UQCC2: variants seen among roughly 807,000 people sequenced by gnomAD.
UQCC2 encodes the protein breast cancer-associated protein SGA-81M.
UQCC2 carries 21 observed loss-of-function variants against 19.9 expected under a neutral mutation model. The ratio of observed to expected loss-of-function variants is 1.05; its 90% CI spans 0.75 to 1.52. UQCC2 has a LOEUF of 1.52. Among genes scored for constraint, UQCC2 ranks in the 40% most tolerant of loss-of-function variants. The pLI is 0.00. For missense variants in UQCC2, 135 were observed against 157.5 expected, an observed-to-expected ratio of 0.86 and a Z score of 0.76; for synonymous variants, 57 against 60.9, an observed-to-expected ratio of 0.94 and a Z score of 0.30.
At chr6:33,699,312 C>T (rs1765610850) in intron 3 of UQCC2, among the ~76,000 whole-genome samples, 1 of 152,216 alleles carries the variant, frequency 6.6e-6, no homozygotes, top group Non-Finnish European at 1.5e-5. Context: ...GAACAAGCTG[C>T]AGCGCGGACC....
intron 1 of UQCC2, among the ~76,000 whole-genome samples, chr6:33,710,966 G>C (rs1326778261): frequency 6.6e-6 from 1 of 152,198 alleles, no homozygotes; most frequent in Non-Finnish European, 1.5e-5. Flanking sequence ...GCTTAGCGGG[G>C]ACCTGCAGAG....
chr6:33,711,528 A>G, intron 1 of UQCC2, 21 bp downstream of exon 1: 1 of 1,586,738 alleles, frequency 6.3e-7, no homozygotes, highest in Non-Finnish European at 8.6e-7. Flanking sequence ...CCCTCGTCCC[A>G]GCCGCCTCCC....
At chr6:33,702,292 G>C (rs1765649736) in intron 1 of UQCC2, among the ~76,000 whole-genome samples, 1 of 151,484 alleles carries the variant, frequency 6.6e-6, no homozygotes, top group Non-Finnish European at 1.5e-5. Context: ...ACAGGCATGA[G>C]CCACCATGCC....
intron 1 of UQCC2, among the ~76,000 whole-genome samples, chr6:33,704,282 T>C (rs653825): frequency 0.91 from 138,646 of 152,242 alleles, 63,259 homozygotes; most frequent in East Asian, 0.99. Context: ...TATGGGCCTA[T>C]GGGGCCAGGC....
At chr6:33,702,904 AC>A (rs1036342706) in intron 1 of UQCC2, among the ~76,000 whole-genome samples, 50 of 152,210 alleles carry the variant, frequency 3.3e-4, no homozygotes, top group African/African-American at 1.2e-3. Flanking sequence ...TTTACAGCAA[AC>A]AAAAAAGACA....
intron 1 of UQCC2, among the ~76,000 whole-genome samples, chr6:33,704,547 C>T (rs570547291): frequency 6.6e-6 from 1 of 152,260 alleles, no homozygotes; most frequent in South Asian, 2.1e-4. Flanking sequence ...CATGGTCTGC[C>T]GAGAGAGCAG....
chr6:33,700,617 G>A lies in UQCC2; in HGVS notation c.214-104C>T, dbSNP rs928802362. 1.7e-5 allele frequency: 21 copies of A among 1,243,294 alleles called. No individual in the cohort carries two copies. In the African/African-American group the frequency reaches 2.7e-4, roughly 16 times the overall value. The allele number at this position is 1,243,294 out of a possible 1,614,324, so 77.0% of individuals were successfully genotyped here. On this transcript the variant is annotated intron_variant, in intron 2 of 3. Transcript: ENST00000607484. ...TAGGCCCTGGGCAACCAGAGGCCAG[G>A]AGGCCTAGCAAGGAGAAGAGCAGCG...
At chr6:33,711,447 G>A (rs984247014) in intron 1 of UQCC2, 102 bp downstream of exon 1, 23 of 1,457,008 alleles carry the variant, frequency 1.6e-5, no homozygotes, top group Middle Eastern at 2.4e-4. Flanking sequence ...TGCCTGGAAA[G>A]AGGGCGCGCG....
rs939104037 is a variant in UQCC2 at position 33,707,260 on chromosome 6, A to G, written c.138+4289T>C. On this transcript the variant is annotated intron_variant, in intron 1 of 3. Transcript: ENST00000607484. ...CAACTCCAGGTTTTCGATGGGCTCA[A>G]TACATAATTAAAAATAGGATAATCT... 2.6e-5 allele frequency among the ~76,000 whole-genome samples: 4 copies of G among 152,236 alleles called. No individual in the cohort carries two copies. The East Asian group carries it at 7.7e-4, about 29-fold the overall frequency.
intron 1 of UQCC2, among the ~76,000 whole-genome samples, chr6:33,708,481 C>T (rs1294843494): frequency 2.6e-5 from 4 of 152,134 alleles, no homozygotes; most frequent in Non-Finnish European, 5.9e-5. Flanking sequence ...AATGAGATCA[C>T]GCCGGCAAAG....
intron 3 of UQCC2, chr6:33,698,747 C>T (rs1489701037): frequency 6.6e-6 from 1 of 152,218 alleles, no homozygotes; most frequent in Non-Finnish European, 1.5e-5. Flanking sequence ...GCTGCCCGCA[C>T]CACCAGTTGT....
At chr6:33,703,149 AC>A (rs1765659376) in intron 1 of UQCC2, among the ~76,000 whole-genome samples, 1 of 152,226 alleles carries the variant, frequency 6.6e-6, no homozygotes, top group South Asian at 2.1e-4. Flanking sequence ...AATTCTGCAC[AC>A]ATCTGGGCGA....
At chr6:33,701,455 A>C in intron 1 of UQCC2, 35 bp from the exon 2 acceptor site, 1 of 1,604,184 alleles carries the variant, frequency 6.2e-7, no homozygotes, top group Non-Finnish European at 8.5e-7. Flanking sequence ...AGGTGAGCAA[A>C]GGAGTCCTGC....
intron 1 of UQCC2, among the ~76,000 whole-genome samples, chr6:33,706,008 CT>C (rs369424803): frequency 2.2e-4 from 33 of 152,284 alleles, no homozygotes; most frequent in Non-Finnish European, 3.8e-4. Context: ...TGCATTTCCC[CT>C]GTTCAGTCGT....
At chr6:33,702,356 T>G (rs896798664) in intron 1 of UQCC2, among the ~76,000 whole-genome samples, 9 of 151,420 alleles carry the variant, frequency 5.9e-5, no homozygotes, top group African/African-American at 2.2e-4. Flanking sequence ...AAAAATCATC[T>G]GAGTTCTCAA....
chr6:33,701,737 G>A (rs1765642622), intron 1 of UQCC2, among the ~76,000 whole-genome samples: 1 of 152,058 alleles, frequency 6.6e-6, no homozygotes, highest in Admixed American at 6.6e-5. Context: ...TGCCACAATA[G>A]AAATGTAAGG....
chr6:33,711,410 G>T (rs1765768974), intron 1 of UQCC2, 139 bp downstream of exon 1: 1 of 1,271,162 alleles, frequency 7.9e-7, no homozygotes, highest in Non-Finnish European at 1.0e-6. Flanking sequence ...GCTCCCTGGG[G>T]GAAAAAGGGG....
chr6:33,702,892 A>C (rs1242386836), intron 1 of UQCC2, among the ~76,000 whole-genome samples: 4 of 152,222 alleles, frequency 2.6e-5, no homozygotes, highest in Admixed American at 6.5e-5. Flanking sequence ...TGAGGTCCCT[A>C]CTTTACAGCA....
intron 1 of UQCC2, among the ~76,000 whole-genome samples, chr6:33,708,629 T>C (rs576900993): frequency 1.3e-5 from 2 of 152,322 alleles, no homozygotes; most frequent in South Asian, 4.1e-4. Flanking sequence ...TTCTGTCTTC[T>C]GGCAACCGGC....
Sources: gnomAD v4.1 joint callset for allele counts (sites outside exome capture counted in the v4.1 genomes callset) on GRCh38, gnomAD v4.1.1 for gene constraint, MANE v1.5 for transcripts, NCBI Gene and HGNC (gene_info 2026-07-23, HGNC 2026-07-21) for gene names.